The following LPP variants were observed in gnomAD, a reference collection of about 807,000 sequenced individuals.
LPP encodes the protein lipoma-preferred partner.
LPP carries 38 observed loss-of-function variants against 60.4 expected under a neutral mutation model. The ratio of observed to expected loss-of-function variants is 0.63; its 90% confidence interval spans 0.49 to 0.83. LPP has a LOEUF of 0.83. LPP is among the 40% of genes least tolerant of loss of function. LPP has a pLI of 0.00. For missense variants in LPP, 902 were observed against 783.6 expected (o/e 1.15, Z -1.80); for synonymous variants, 328 against 290.8 (o/e 1.13, Z -1.30).
At position 188,507,525 on chromosome 3, in the gene LPP, G is replaced by A. The variant is rs80219281; in HGVS notation, c.307-17140G>A. On this transcript the variant is annotated intron_variant, in intron 5 of 11. Coordinates refer to ENST00000617246, the MANE Select transcript of LPP (RefSeq NM_001375462.1). ...CTCAGTGAAATCACATAAGTTTCCC[G>A]TTTTTCTCTTGATGAAACCTCAAAC... is the stretch of plus-strand genomic sequence containing the variant. Among the ~76,000 whole-genome samples, 457 of 151,584 alleles carry A rather than the reference G, an allele frequency of 3.0e-3. 9 individuals carry two copies. In the East Asian group the frequency reaches 0.056, roughly 19 times the overall value.
chr3:188,607,129 AC>A (rs1225706475), intron 6 of LPP, among the ~76,000 whole-genome samples: 122 of 103,730 alleles, frequency 1.2e-3, no homozygotes, highest in Non-Finnish European at 2.3e-3. Flanking sequence ...ACACACACAC[AC>A]ACACACACAC....
chr3:188,495,943 T>G (rs979743692), intron 5 of LPP, among the ~76,000 whole-genome samples: 13 of 152,200 alleles, frequency 8.5e-5, no homozygotes, highest in African/African-American at 3.1e-4. Context: ...TCATAGCTGA[T>G]TTCACTTGAT....
At chr3:188,775,994 C>T (rs1737626417) in intron 9 of LPP, among the ~76,000 whole-genome samples, 1 of 152,158 alleles carries the variant, frequency 6.6e-6, no homozygotes, top group African/African-American at 2.4e-5. Flanking sequence ...GAACTATTTG[C>T]CAGTTTTAAG....
chr3:188,506,310 A>G (rs1813439368), intron 5 of LPP, among the ~76,000 whole-genome samples: 2 of 152,202 alleles, frequency 1.3e-5, no homozygotes, highest in African/African-American at 2.4e-5. Flanking sequence ...TTGAGGACTA[A>G]TTAAGATAAT....
At chr3:188,872,506 C>T in intron 10 of LPP, 137 bp from the exon 11 acceptor site, 1 of 886,998 alleles carries the variant, frequency 1.1e-6, no homozygotes, top group Non-Finnish European at 1.8e-6. Flanking sequence ...CTCCACAGTC[C>T]CTGAGTCTAA....
intron 3 of LPP, among the ~76,000 whole-genome samples, chr3:188,399,523 A>C (rs1278515210): frequency 6.6e-6 from 1 of 152,222 alleles, no homozygotes; most frequent in East Asian, 1.9e-4. Context: ...CTGTGGTGTT[A>C]ATCTACGTCC....
At chr3:188,329,467 T>G (rs935440427) in intron 2 of LPP, among the ~76,000 whole-genome samples, 1 of 152,210 alleles carries the variant, frequency 6.6e-6, no homozygotes, top group Non-Finnish European at 1.5e-5. Context: ...TTCATTAAAC[T>G]TACTGGTTTA....
intron 6 of LPP, among the ~76,000 whole-genome samples, chr3:188,601,801 G>A (rs1580302237): frequency 6.6e-6 from 1 of 152,110 alleles, no homozygotes; most frequent in African/African-American, 2.4e-5. Context: ...AGGTGTGGTG[G>A]CTCACGCCTG....
intron 6 of LPP, among the ~76,000 whole-genome samples, chr3:188,552,619 T>C (rs1394984180): frequency 6.6e-6 from 1 of 152,176 alleles, no homozygotes; most frequent in Non-Finnish European, 1.5e-5. Context: ...TCATTACCTT[T>C]CCCAGCTTCT....
chr3:188,163,951 CA>C (rs34632883), intron 1 of LPP, among the ~76,000 whole-genome samples: 244 of 115,088 alleles, frequency 2.1e-3, no homozygotes, highest in Middle Eastern at 4.6e-3. Flanking sequence ...ACTCTGTCTC[CA>C]AAAAAAAAAA....
intron 9 of LPP, among the ~76,000 whole-genome samples, chr3:188,847,811 A>G (rs1275592659): frequency 6.6e-6 from 1 of 152,236 alleles, no homozygotes. Flanking sequence ...TTAGCAGCCA[A>G]TGTGAAATAA....
At chr3:188,467,788 C>G (rs1314344135) in intron 4 of LPP, among the ~76,000 whole-genome samples, 1 of 152,040 alleles carries the variant, frequency 6.6e-6, no homozygotes, top group Non-Finnish European at 1.5e-5. Flanking sequence ...CTTTGAGAAG[C>G]TGGAAAAGAC....
intron 2 of LPP, among the ~76,000 whole-genome samples, chr3:188,340,474 C>G (rs1487204178): frequency 6.7e-6 from 1 of 148,598 alleles, no homozygotes; most frequent in Non-Finnish European, 1.5e-5. Flanking sequence ...TTTTCTTAAC[C>G]TGTTTTGAGT....
At chr3:188,330,852 T>C (rs538914549) in intron 2 of LPP, among the ~76,000 whole-genome samples, 3 of 114,906 alleles carry the variant, frequency 2.6e-5, no homozygotes, top group Admixed American at 2.2e-4. Context: ...AGTAAGTAAG[T>C]AAGTAAGTAA....
At chr3:188,175,212 A>G (rs190461293) in intron 1 of LPP, among the ~76,000 whole-genome samples, 7 of 152,150 alleles carry the variant, frequency 4.6e-5, no homozygotes, top group African/African-American at 1.7e-4. Flanking sequence ...CAGCCTCCCA[A>G]GTAGCTGGGA....
intron 9 of LPP, among the ~76,000 whole-genome samples, chr3:188,771,271 G>T (rs11715284): frequency 6.6e-6 from 1 of 151,714 alleles, no homozygotes; most frequent in Non-Finnish European, 1.5e-5. Flanking sequence ...AAAAGAGGCC[G>T]GGCACAGTAG....
intron 3 of LPP, among the ~76,000 whole-genome samples, chr3:188,366,558 A>G (rs1771234177): frequency 6.6e-6 from 1 of 152,144 alleles, no homozygotes; most frequent in Non-Finnish European, 1.5e-5. Flanking sequence ...CTCTCGCCTG[A>G]ATTCCTTAAC....
At chr3:188,830,306 T>TAA (rs1046076554) in intron 9 of LPP, among the ~76,000 whole-genome samples, 24 of 135,220 alleles carry the variant, frequency 1.8e-4, no homozygotes, top group African/African-American at 6.2e-4. Context: ...AAGCACTATT[T>TAA]AAAAAAAAAA....
chr3:188,242,142 C>G (rs1725159552), intron 2 of LPP, among the ~76,000 whole-genome samples: 1 of 152,100 alleles, frequency 6.6e-6, no homozygotes, highest in African/African-American at 2.4e-5. Flanking sequence ...CCACTAAATC[C>G]TTAAATATAT....
Sources: gnomAD v4.1 joint callset for allele counts (sites outside exome capture counted in the v4.1 genomes callset) on GRCh38, gnomAD v4.1.1 for gene constraint, MANE v1.5 for transcripts, NCBI Gene and HGNC (gene_info 2026-07-23, HGNC 2026-07-21) for gene names.